The following AKAP12 variants were observed in gnomAD, a reference collection of about 807,000 sequenced individuals.
AKAP12 encodes A-kinase anchor protein 12.
A neutral mutation model predicts 79.9 loss-of-function variants in AKAP12; 32 were observed. The ratio of observed to expected loss-of-function variants is 0.40; its 90% CI spans 0.30 to 0.54. The LOEUF is 0.54. Ranked by LOEUF, AKAP12 falls within the 20% of genes least tolerant of loss-of-function variation. The probability of loss-of-function intolerance (pLI) is 0.48; values close to 1 mark genes in which losing one functional copy is unlikely to be tolerated. For synonymous variants in AKAP12, 808 were observed against 857.0 expected, an observed-to-expected ratio of 0.94 and a Z score of 1.00; for missense variants, 2,074 against 2,177.0, an observed-to-expected ratio of 0.95 and a Z score of 0.94.
chr6:151,246,662 C>T (rs1463924311), intron 2 of AKAP12, among the ~76,000 whole-genome samples: 2 of 152,166 alleles, frequency 1.3e-5, no homozygotes, highest in Non-Finnish European at 2.9e-5. Context: ...CATGTGCTTG[C>T]CATCTGATCA....
intron 2 of AKAP12, among the ~76,000 whole-genome samples, chr6:151,260,698 A>G (rs1008804596): frequency 1.3e-5 from 2 of 152,034 alleles, no homozygotes. Flanking sequence ...GATACTGCAC[A>G]TTTTTCTCTT....
intron 2 of AKAP12, among the ~76,000 whole-genome samples, chr6:151,303,669 T>C (rs1157392168): frequency 6.6e-6 from 1 of 152,198 alleles, no homozygotes; most frequent in Non-Finnish European, 1.5e-5. Context: ...TTGAGATTGC[T>C]TTGTAGCATG....
intron 2 of AKAP12, among the ~76,000 whole-genome samples, chr6:151,303,277 C>G (rs1388455338): frequency 6.6e-6 from 1 of 152,120 alleles, no homozygotes; most frequent in Non-Finnish European, 1.5e-5. Context: ...CATTCCCTAC[C>G]CCCTGCTTTT....
At chr6:151,346,234 C>A (rs1311842825) in intron 3 of AKAP12, among the ~76,000 whole-genome samples, 2 of 152,192 alleles carry the variant, frequency 1.3e-5, no homozygotes. Context: ...CTCCCTCCTA[C>A]TTCCCCCCAT....
At chr6:151,341,723 G>T in intron 3 of AKAP12, 1 of 1,270,334 alleles carries the variant, frequency 7.9e-7, no homozygotes, top group Non-Finnish European at 1.0e-6. Context: ...AGTTCGCCCC[G>T]CAGCGATGGC....
At chr6:151,305,700 G>T in intron 2 of AKAP12, 47 bp from the exon 3 acceptor site, 1 of 1,555,992 alleles carries the variant, frequency 6.4e-7, no homozygotes, top group South Asian at 1.2e-5. Flanking sequence ...TTCTGACTTG[G>T]TCATGAGGAC....
At chr6:151,278,952 C>A (rs1360261497) in intron 2 of AKAP12, among the ~76,000 whole-genome samples, 2 of 152,240 alleles carry the variant, frequency 1.3e-5, no homozygotes, top group Non-Finnish European at 2.9e-5. Context: ...CAGGCATGAG[C>A]CACCGCGCCC....
chr6:151,323,205 A>G (rs370559243), intron 3 of AKAP12, among the ~76,000 whole-genome samples: 4 of 152,190 alleles, frequency 2.6e-5, no homozygotes, highest in African/African-American at 9.6e-5. Context: ...AGAGTCTACA[A>G]CTTGCCACAT....
intron 2 of AKAP12, among the ~76,000 whole-genome samples, chr6:151,269,904 C>T (rs1297582138): frequency 6.6e-6 from 1 of 152,180 alleles, no homozygotes; most frequent in African/African-American, 2.4e-5. Context: ...TCCCAGTAAC[C>T]ACAGAGCCAA....
chr6:151,324,979 T>C, intron 3 of AKAP12: 5 of 985,438 alleles, frequency 5.1e-6, no homozygotes, highest in Non-Finnish European at 6.0e-6. Flanking sequence ...TAGTTTGATC[T>C]AAAAAGTTAG....
At chr6:151,309,106 C>T (rs1323525373) in intron 3 of AKAP12, among the ~76,000 whole-genome samples, 2 of 152,166 alleles carry the variant, frequency 1.3e-5, no homozygotes, top group African/African-American at 4.8e-5. Context: ...AACTCCTGAC[C>T]TCAGGTGATC....
At chr6:151,337,307 C>G (rs1388620010) in intron 3 of AKAP12, among the ~76,000 whole-genome samples, 1 of 151,208 alleles carries the variant, frequency 6.6e-6, no homozygotes, top group Non-Finnish European at 1.5e-5. Context: ...GAGTTCGAGA[C>G]CAGTCTCTAC....
At chr6:151,249,364 G>C (rs1797133185) in intron 2 of AKAP12, among the ~76,000 whole-genome samples, 1 of 152,038 alleles carries the variant, frequency 6.6e-6, no homozygotes, top group Admixed American at 6.6e-5. Flanking sequence ...TAATATAATA[G>C]AGACAAGGTC....
rs1429144008 is a variant in AKAP12 at position 151,353,161 on chromosome 6, T to A, written c.4770T>A (p.Ala1590=). 10 of 1,614,024 alleles carry A rather than the reference T, an allele frequency of 6.2e-6. No homozygotes were observed. Among genetic ancestry groups the A allele is most frequent in the Non-Finnish European group, 8.5e-6 (10 of 1,180,042 alleles). Reference sequence around the variant, plus strand: ...TGATAAAAGCTGACAGCCAGGACGCTGGACAGGAAACGGAGAAAGAAGGAG... The same window carrying A: ...TGATAAAAGCTGACAGCCAGGACGCAGGACAGGAAACGGAGAAAGAAGGAG... ...AHVIKADSQD[A]GQETEKEGEE... is the part of the protein sequence containing the mutation. Residue 1590 remains alanine (A), a synonymous_variant, in exon 4 of 5, where the codon GCT becomes GCA. Transcript: ENST00000402676.
intron 2 of AKAP12, among the ~76,000 whole-genome samples, chr6:151,279,713 A>C (rs1186616588): frequency 6.6e-6 from 1 of 151,874 alleles, no homozygotes; most frequent in Non-Finnish European, 1.5e-5. Context: ...GCGAGGTGGC[A>C]GGCGCCTGTA....
At position 151,356,041 on chromosome 6, in the gene AKAP12, T is replaced by TATC. The variant is rs1778431701; in HGVS notation, c.*330_*332dup. The TATC allele has an allele frequency of 6.6e-6, 1 of 152,594 alleles. No homozygotes were observed. Among genetic ancestry groups the TATC allele is most frequent in the Non-Finnish European group, 1.5e-5 (1 of 68,044 alleles). 9.5% of individuals were successfully genotyped at this position (152,594 alleles called of 1,614,324 possible). ...CCTAGTTCTGCTTCTGAAACTGGAG[T>TATC]ATCATTCTTTACATATTTATATGTA... On this transcript the variant is annotated 3_prime_UTR_variant, in exon 5 of 5. Transcript: ENST00000402676.
At chr6:151,279,099 G>C (rs1776348189) in intron 2 of AKAP12, among the ~76,000 whole-genome samples, 1 of 152,194 alleles carries the variant, frequency 6.6e-6, no homozygotes, top group Admixed American at 6.5e-5. Flanking sequence ...ATTTGAAATA[G>C]AGAACACACC....
intron 3 of AKAP12, among the ~76,000 whole-genome samples, chr6:151,347,828 G>A (rs1778140993): frequency 6.6e-6 from 1 of 150,698 alleles, no homozygotes; most frequent in Admixed American, 6.6e-5. Context: ...CTAGAGGTCA[G>A]GAGCTCAAGA....
intron 2 of AKAP12, among the ~76,000 whole-genome samples, chr6:151,253,552 T>A (rs1797232021): frequency 6.6e-6 from 1 of 152,136 alleles, no homozygotes; most frequent in Non-Finnish European, 1.5e-5. Flanking sequence ...ACATCAATAA[T>A]ATATTGAATC....
Sources: gnomAD v4.1 joint callset for allele counts (sites outside exome capture counted in the v4.1 genomes callset) on GRCh38, gnomAD v4.1.1 for gene constraint, MANE v1.5 for transcripts, NCBI Gene and HGNC (gene_info 2026-07-23, HGNC 2026-07-21) for gene names.